Variants in LPP observed in about 807,000 individuals in gnomAD.
LPP encodes LIM domain containing preferred translocation partner in lipoma.
Under a neutral mutation model 60.4 loss-of-function variants are expected in LPP, and 38 were observed. That is an observed-to-expected ratio of 0.63 (90% CI 0.49 to 0.83). The LOEUF is 0.83. LPP is among the 40% of genes least tolerant of loss of function. LPP has a pLI of 0.00. For missense variants in LPP, 902 were observed against 783.6 expected, an observed-to-expected ratio of 1.15 and a Z score of -1.80; for synonymous variants, 328 against 290.8, an observed-to-expected ratio of 1.13 and a Z score of -1.30.
At chr3:188,577,167 T>C (rs1416779469) in intron 6 of LPP, among the ~76,000 whole-genome samples, 2 of 152,188 alleles carry the variant, frequency 1.3e-5, no homozygotes, top group Non-Finnish European at 2.9e-5. Context: ...CTTTCTAGAT[T>C]TGTAAGACTT....
At chr3:188,162,000 A>G (rs780481867) in intron 1 of LPP, among the ~76,000 whole-genome samples, 3 of 152,034 alleles carry the variant, frequency 2.0e-5, no homozygotes, top group Non-Finnish European at 4.4e-5. Context: ...GCTCTCTACC[A>G]TTCTCCATTA....
At chr3:188,197,991 C>T (rs781135095) in intron 1 of LPP, among the ~76,000 whole-genome samples, 26 of 152,178 alleles carry the variant, frequency 1.7e-4, no homozygotes, top group Non-Finnish European at 3.1e-4. Context: ...TTACATAATT[C>T]GAGTCTCAGT....
rs148973809 is a variant in LPP, at chr3:188,564,919, G to A, written c.429+40132G>A. Among the ~76,000 whole-genome samples, 362 of 152,030 alleles carry A rather than the reference G, an allele frequency of 2.4e-3. 1 individual carries two copies. The highest frequency in any genetic ancestry group is 8.2e-3 in the African/African-American group (341 of 41,500). ...TCTTCTTCTGAACACTAGGATGTTC[G>A]TTATATGATGTCCTCCTGCCTCATG... On this transcript the variant is annotated intron_variant, in intron 6 of 11. Transcript: ENST00000617246.
At chr3:188,410,171 T>C (rs968374567) in intron 4 of LPP, among the ~76,000 whole-genome samples, 3 of 152,170 alleles carry the variant, frequency 2.0e-5, no homozygotes, top group Non-Finnish European at 4.4e-5. Flanking sequence ...AGGAACTCAA[T>C]AGTGTTTGCA....
intron 6 of LPP, among the ~76,000 whole-genome samples, chr3:188,604,392 C>T (rs1403249391): frequency 6.6e-6 from 1 of 152,006 alleles, no homozygotes; most frequent in Non-Finnish European, 1.5e-5. Flanking sequence ...TTAAAAATTG[C>T]CCTTTATTTC....
intron 10 of LPP, among the ~76,000 whole-genome samples, chr3:188,867,534 G>A (rs1286462489): frequency 6.6e-6 from 1 of 151,870 alleles, no homozygotes; most frequent in Non-Finnish European, 1.5e-5. Context: ...AGTAGAGATG[G>A]GGTTTCGCCA....
At chr3:188,258,031 G>A (rs1732245137) in intron 2 of LPP, among the ~76,000 whole-genome samples, 1 of 152,216 alleles carries the variant, frequency 6.6e-6, no homozygotes, top group Non-Finnish European at 1.5e-5. Flanking sequence ...CTAACAAGGT[G>A]TCCTTGATTT....
chr3:188,860,821 T>A lies in LPP; in HGVS notation c.1411-5379T>A, dbSNP rs76620551. 6.5e-4 allele frequency among the ~76,000 whole-genome samples: 99 copies of A among 152,312 alleles called. 2 individuals carry two copies. The East Asian group carries it at 0.019, about 29-fold the overall frequency. On this transcript the variant is annotated intron_variant, in intron 9 of 11. Coordinates refer to ENST00000617246, the MANE Select transcript of LPP (RefSeq NM_001375462.1). ...GACAAACTGTCTTAAGATCTTAACA[T>A]GTTTTCTCTATTTATTTGCATGTAA...
intron 6 of LPP, among the ~76,000 whole-genome samples, chr3:188,570,744 A>G (rs1021466485): frequency 5.3e-5 from 8 of 151,892 alleles, no homozygotes; most frequent in Admixed American, 4.0e-4. Flanking sequence ...AGTAGGATTA[A>G]CTGGAGTTCT....
chr3:188,733,744 G>A lies in LPP; in HGVS notation c.1240+25351G>A, dbSNP rs1019686494. 5.9e-5 allele frequency among the ~76,000 whole-genome samples: 9 copies of A among 152,116 alleles called. No individual in the cohort carries two copies. In the East Asian group the frequency reaches 1.7e-3, roughly 29 times the overall value. On this transcript the variant is annotated intron_variant, in intron 8 of 11. Coordinates refer to ENST00000617246, the MANE Select transcript of LPP (RefSeq NM_001375462.1). ...ATTAACAACGTTTTCAGGTTCTTCAGTGATTATTAGGCTACTGAAGTGTTT... is the reference window on the plus strand; with the variant it reads ...ATTAACAACGTTTTCAGGTTCTTCAATGATTATTAGGCTACTGAAGTGTTT...
At chr3:188,480,235 A>G (rs536756252) in intron 4 of LPP, among the ~76,000 whole-genome samples, 1 of 152,344 alleles carries the variant, frequency 6.6e-6, no homozygotes, top group Non-Finnish European at 1.5e-5. Flanking sequence ...AATTGGCAGT[A>G]AGTAGTGTTT....
chr3:188,311,328 A>G lies in LPP; in HGVS notation c.-66-30335A>G, dbSNP rs1049527492. On this transcript the variant is annotated intron_variant, in intron 2 of 11. Transcript: ENST00000617246. ...TTTCTACAAAAAAATGAAATAAAAC[A>G]ATTAGTTGGTCATGATGGTGTACAC... 5.9e-5 allele frequency among the ~76,000 whole-genome samples: 9 copies of G among 152,110 alleles called. No individual in the cohort carries two copies. The Middle Eastern group carries it at 0.01, about 172-fold the overall frequency.
intron 6 of LPP, among the ~76,000 whole-genome samples, chr3:188,542,188 C>T (rs987728799): frequency 2.6e-5 from 4 of 152,142 alleles, no homozygotes; most frequent in African/African-American, 9.7e-5. Flanking sequence ...TCTCTCTGAA[C>T]CTCATTTTCT....
At chr3:188,230,504 C>A (rs890898001) in intron 2 of LPP, among the ~76,000 whole-genome samples, 5 of 152,086 alleles carry the variant, frequency 3.3e-5, no homozygotes, top group African/African-American at 4.8e-5. Flanking sequence ...AAAAAATAGG[C>A]CAGGCGTAGT....
intron 9 of LPP, among the ~76,000 whole-genome samples, chr3:188,790,760 G>T (rs1040361599): frequency 6.6e-6 from 1 of 151,476 alleles, no homozygotes; most frequent in Non-Finnish European, 1.5e-5. Context: ...GGTGGAGGTT[G>T]CAGTGAGCCA....
intron 7 of LPP, among the ~76,000 whole-genome samples, chr3:188,697,582 T>C (rs1863525182): frequency 1.3e-5 from 2 of 152,172 alleles, no homozygotes; most frequent in African/African-American, 4.8e-5. Context: ...CTCTCCTAGG[T>C]TCATACCTGA....
intron 2 of LPP, among the ~76,000 whole-genome samples, chr3:188,251,364 G>T (rs1729579432): frequency 6.6e-6 from 1 of 151,948 alleles, no homozygotes; most frequent in South Asian, 2.1e-4. Context: ...CAGCCATGAA[G>T]TCAAGCATGT....
chr3:188,380,741 T>G (rs1776662581), intron 3 of LPP, among the ~76,000 whole-genome samples: 1 of 152,248 alleles, frequency 6.6e-6, no homozygotes, highest in Non-Finnish European at 1.5e-5. Context: ...TGGAGGTGTA[T>G]TTTTCTCCCC....
intron 9 of LPP, among the ~76,000 whole-genome samples, chr3:188,818,330 C>A (rs1208730885): frequency 6.6e-6 from 1 of 152,032 alleles, no homozygotes; most frequent in Admixed American, 6.6e-5. Context: ...TAGTATGTAT[C>A]CTCAGTTTAT....
Sources: gnomAD v4.1 joint callset for allele counts (sites outside exome capture counted in the v4.1 genomes callset) on GRCh38, gnomAD v4.1.1 for gene constraint, MANE v1.5 for transcripts, NCBI Gene and HGNC (gene_info 2026-07-23, HGNC 2026-07-21) for gene names.